The following LRRTM4 variants were observed in gnomAD, a reference collection of about 807,000 sequenced individuals.
LRRTM4 encodes the protein leucine-rich repeat transmembrane neuronal protein 4.
LRRTM4 carries 25 observed loss-of-function variants against 47.6 expected under a neutral mutation model. That is an observed-to-expected ratio of 0.53 (90% confidence interval 0.38 to 0.73). LRRTM4 has a LOEUF of 0.73. Ranked by LOEUF, LRRTM4 falls within the 30% of genes least tolerant of loss-of-function variation. The probability of loss-of-function intolerance (pLI) is 0.00; values close to 1 mark genes in which losing one functional copy is unlikely to be tolerated. For synonymous variants in LRRTM4, 311 were observed against 269.5 expected, an observed-to-expected ratio of 1.15 and a Z score of -1.51; for missense variants, 638 against 713.4, an observed-to-expected ratio of 0.89 and a Z score of 1.20.
intron 3 of LRRTM4, among the ~76,000 whole-genome samples, chr2:77,006,617 T>C (rs1677660667): frequency 6.6e-6 from 1 of 152,150 alleles, no homozygotes. Flanking sequence ...CCCCAGAACC[T>C]GCAGACATCA....
intron 3 of LRRTM4, among the ~76,000 whole-genome samples, chr2:76,906,515 A>C (rs1673845877): frequency 1.3e-5 from 2 of 152,184 alleles, no homozygotes; most frequent in Admixed American, 1.3e-4. Context: ...TTAAATGTAA[A>C]TGGACTAAAT....
intron 3 of LRRTM4, among the ~76,000 whole-genome samples, chr2:76,831,207 G>T (rs887277982): frequency 6.6e-6 from 1 of 152,054 alleles, no homozygotes; most frequent in African/African-American, 2.4e-5. Context: ...GTGTGCATAT[G>T]TGTGTGTGTG....
At chr2:77,379,667 G>C (rs1466827268) in intron 3 of LRRTM4, among the ~76,000 whole-genome samples, 1 of 151,862 alleles carries the variant, frequency 6.6e-6, no homozygotes, top group Admixed American at 6.6e-5. Context: ...TTACGCCTTT[G>C]TGATAATTCT....
chr2:77,088,489 C>T (rs1680803362), intron 3 of LRRTM4, among the ~76,000 whole-genome samples: 1 of 152,142 alleles, frequency 6.6e-6, no homozygotes. Flanking sequence ...CTCCTGCCTG[C>T]CAGAGAACAA....
At chr2:77,396,688 A>AG (rs1288149672) in intron 3 of LRRTM4, among the ~76,000 whole-genome samples, 1 of 151,940 alleles carries the variant, frequency 6.6e-6, no homozygotes, top group Non-Finnish European at 1.5e-5. Flanking sequence ...GACAGCAAAG[A>AG]GGCTATTTAT....
At chr2:76,925,239 T>G (rs1558741770) in intron 3 of LRRTM4, among the ~76,000 whole-genome samples, 1 of 152,124 alleles carries the variant, frequency 6.6e-6, no homozygotes, top group South Asian at 2.1e-4. Context: ...TTTCCTACTC[T>G]TCATGAAGAA....
intron 3 of LRRTM4, among the ~76,000 whole-genome samples, chr2:77,384,386 A>G (rs545844428): frequency 2.0e-5 from 3 of 152,048 alleles, no homozygotes; most frequent in Non-Finnish European, 4.4e-5. Context: ...CAATATCTCA[A>G]TATTTCTTAA....
chr2:76,768,853 T>G (rs1673565710), intron 3 of LRRTM4, among the ~76,000 whole-genome samples: 3 of 152,090 alleles, frequency 2.0e-5, no homozygotes, highest in Non-Finnish European at 4.4e-5. Context: ...TCTGAATGAT[T>G]TGGAGAGATT....
intron 3 of LRRTM4, among the ~76,000 whole-genome samples, chr2:77,257,321 C>G (rs1437331724): frequency 6.6e-6 from 1 of 151,528 alleles, no homozygotes; most frequent in Non-Finnish European, 1.5e-5. Flanking sequence ...AAAAAAAAAC[C>G]CTCTAGAATA....
chr2:77,031,325 T>C (rs2104139440), intron 3 of LRRTM4, among the ~76,000 whole-genome samples: 1 of 152,306 alleles, frequency 6.6e-6, no homozygotes, highest in Non-Finnish European at 1.5e-5. Context: ...ATAAATATTT[T>C]CCTTTAGCTG....
intron 3 of LRRTM4, among the ~76,000 whole-genome samples, chr2:77,060,265 G>A (rs140102886): frequency 6.6e-5 from 10 of 152,214 alleles, no homozygotes; most frequent in African/African-American, 2.4e-4. Context: ...AGTTATTGAT[G>A]AAAAATTTAC....
At chr2:77,179,579 G>T (rs558850130) in intron 3 of LRRTM4, among the ~76,000 whole-genome samples, 3 of 152,148 alleles carry the variant, frequency 2.0e-5, no homozygotes, top group Non-Finnish European at 2.9e-5. Context: ...GTCACTTAAG[G>T]TTTAGGGGTT....
rs973075707 is a variant in LRRTM4, at chr2:76,984,147, C to T, written c.1552-235231G>A. 2.0e-5 allele frequency among the ~76,000 whole-genome samples: 3 copies of T among 151,694 alleles called. No individual in the cohort carries two copies. In the Admixed American group the frequency reaches 2.0e-4, roughly 10 times the overall value. ...TAATTGCATTTTAAAAAAATAGACA[C>T]ACAAAACAGAAGAAAATCATCTGAC... On this transcript the variant is annotated intron_variant, in intron 3 of 3. Transcript: ENST00000409884.
At chr2:77,352,933 C>T (rs1671839036) in intron 3 of LRRTM4, among the ~76,000 whole-genome samples, 1 of 151,844 alleles carries the variant, frequency 6.6e-6, no homozygotes, top group African/African-American at 2.4e-5. Context: ...CATATTTGTC[C>T]TTATGAATAT....
At chr2:76,805,552 T>A (rs1675924093) in intron 3 of LRRTM4, among the ~76,000 whole-genome samples, 1 of 152,158 alleles carries the variant, frequency 6.6e-6, no homozygotes, top group African/African-American at 2.4e-5. Context: ...TGAAAATATA[T>A]TAAATTCTCC....
chr2:76,867,011 T>C (rs1224357154), intron 3 of LRRTM4, among the ~76,000 whole-genome samples: 1 of 151,266 alleles, frequency 6.6e-6, no homozygotes, highest in African/African-American at 2.4e-5. Context: ...TAAATGAGAG[T>C]TGAACAATGA....
At chr2:76,815,494 C>T (rs872175) in intron 3 of LRRTM4, among the ~76,000 whole-genome samples, 71,278 of 151,810 alleles carry the variant, frequency 0.47, 18,109 homozygotes, top group East Asian at 0.73. Flanking sequence ...TATCTATCAA[C>T]TGGAATGACT....
intron 3 of LRRTM4, among the ~76,000 whole-genome samples, chr2:77,234,100 A>G (rs1027245132): frequency 6.6e-6 from 1 of 152,166 alleles, no homozygotes; most frequent in Admixed American, 6.5e-5. Context: ...TTTCTTAAAG[A>G]CCACTTTTAG....
At chr2:77,038,011 C>T (rs1301226851) in intron 3 of LRRTM4, among the ~76,000 whole-genome samples, 1 of 151,606 alleles carries the variant, frequency 6.6e-6, no homozygotes, top group East Asian at 1.9e-4. Context: ...CCTTGTGTTC[C>T]TTGAATAACC....
Sources: gnomAD v4.1 joint callset for allele counts (sites outside exome capture counted in the v4.1 genomes callset) on GRCh38, gnomAD v4.1.1 for gene constraint, MANE v1.5 for transcripts, NCBI Gene and HGNC (gene_info 2026-07-23, HGNC 2026-07-21) for gene names.